The following HOXC4 variants were observed in gnomAD, a reference collection of about 807,000 sequenced individuals.
HOXC4 encodes homeobox C4.
A neutral mutation model predicts 25.5 loss-of-function variants in HOXC4; 15 were observed. The observed-to-expected ratio is 0.59, with a 90% CI of 0.39 to 0.91. The LOEUF is 0.91. HOXC4 is among the 40% of genes least tolerant of loss of function. The pLI is 0.00. For synonymous variants in HOXC4, 165 were observed against 148.0 expected (o/e 1.11, Z -0.83); for missense variants, 342 against 352.4 (o/e 0.97, Z 0.24).
rs372733424 is a variant in HOXC4, at chr12:54,054,875, A to T, written c.465A>T (p.Glu155Asp). 3 of 1,609,190 alleles carry T rather than the reference A, an allele frequency of 1.9e-6. No individual in the cohort carries two copies. Among genetic ancestry groups the T allele is most frequent in the African/African-American group, 2.7e-5 (2 of 74,696 alleles). ...TGAACCCCAATTATAACGGAGGGGA[A>T]CCCAAGCGCTCGAGGACAGCCTATA... Reference protein sequence around the residue: ...STVNPNYNGGEPKRSRTAYTR... With the variant: ...STVNPNYNGGDPKRSRTAYTR... Residue 155 changes from glutamate (E) to aspartate (D), a missense_variant, in exon 2 of 2, where the codon GAA becomes GAT. Transcript: ENST00000430889.
chr12:54,033,950 C>G (rs945551572), intron 1 of HOXC4: 1 of 484,908 alleles, frequency 2.1e-6, no homozygotes, highest in Non-Finnish European at 4.0e-6. Context: ...ATTCCAGCGA[C>G]TCGGGAGGGG....
At chr12:54,042,516 T>C (rs1263693560) in intron 1 of HOXC4, among the ~76,000 whole-genome samples, 3 of 152,158 alleles carry the variant, frequency 2.0e-5, no homozygotes, top group Non-Finnish European at 4.4e-5. Context: ...CTCAAAAAGG[T>C]AAACTTTCTC....
At chr12:54,039,699 A>C (rs12426667) in intron 1 of HOXC4, among the ~76,000 whole-genome samples, 47,299 of 151,694 alleles carry the variant, frequency 0.31, 7,486 homozygotes, top group East Asian at 0.44. Flanking sequence ...CAGCGGAGAC[A>C]TGGGAGTTTC....
intron 1 of HOXC4, among the ~76,000 whole-genome samples, chr12:54,038,237 C>A (rs185698456): frequency 2.9e-4 from 44 of 152,318 alleles, no homozygotes; most frequent in Admixed American, 2.9e-3. Flanking sequence ...ACTCCTTATT[C>A]TCTCTGACTG....
intron 1 of HOXC4, chr12:54,021,293 G>A (rs1169804550): frequency 6.6e-6 from 1 of 152,220 alleles, no homozygotes; most frequent in East Asian, 1.9e-4. Context: ...TCTGGTTACT[G>A]GATGAACTGC....
At chr12:54,043,205 G>A (rs1406733942) in intron 1 of HOXC4, among the ~76,000 whole-genome samples, 1 of 152,178 alleles carries the variant, frequency 6.6e-6, no homozygotes, top group Non-Finnish European at 1.5e-5. Context: ...AGGCATGCTG[G>A]GGAGCAAGTG....
At chr12:54,027,223 G>T (rs559600000) in intron 1 of HOXC4, among the ~76,000 whole-genome samples, 2 of 152,216 alleles carry the variant, frequency 1.3e-5, no homozygotes, top group Non-Finnish European at 2.9e-5. Flanking sequence ...TGGGCGTTGA[G>T]GTTGCTGAGA....
At chr12:54,027,561 C>T (rs985856791) in intron 1 of HOXC4, among the ~76,000 whole-genome samples, 5 of 152,202 alleles carry the variant, frequency 3.3e-5, no homozygotes, top group Non-Finnish European at 7.3e-5. Context: ...CGTTCTTCCT[C>T]TCTCTCTCTT....
At position 54,055,066 on chromosome 12, in the gene HOXC4, A is replaced by G. The variant is rs1937942556; in HGVS notation, c.656A>G (p.Asn219Ser). ...TGGAAGAAGGACCACCGACTCCCCA[A>G]CACCAAAGTCAGGTCAGCACCCCCG... is the stretch of plus-strand genomic sequence containing the variant. ...MKWKKDHRLP[N>S]TKVRSAPPAG... is the part of the protein sequence containing the mutation. Residue 219 changes from asparagine to serine, a missense_variant, in exon 2 of 2, where the codon AAC becomes AGC. Transcript: ENST00000430889. 3 of 1,613,790 alleles carry G rather than the reference A, an allele frequency of 1.9e-6. No individual in the cohort carries two copies. Among genetic ancestry groups the G allele is most frequent in the Non-Finnish European group, 1.7e-6 (2 of 1,179,960 alleles).
intron 1 of HOXC4, chr12:54,021,895 C>G (rs879698395): frequency 3.3e-5 from 5 of 152,300 alleles, no homozygotes; most frequent in East Asian, 3.8e-4. Flanking sequence ...TGTGCTATCC[C>G]CGGACTCCCT....
chr12:54,054,292 C>T lies in HOXC4; in HGVS notation c.370C>T (p.His124Tyr). Residue 124 changes from histidine (H) to tyrosine (Y), a missense_variant, in exon 1 of 2, where the codon CAT (histidine) becomes TAT (tyrosine). Physicochemically the swap from His to Tyr is moderately conservative, Grantham distance 83. Transcript: ENST00000430889. Reference sequence around the variant, plus strand: ...AGCCTGCAGCCAGCCAGCCCCCGACCATCCCTCCAGCGCCGCCAGCAAGCA... The same window carrying T: ...AGCCTGCAGCCAGCCAGCCCCCGACTATCCCTCCAGCGCCGCCAGCAAGCA... Reference protein sequence around the residue: ...PPACSQPAPDHPSSAASKQPI... With the variant: ...PPACSQPAPDYPSSAASKQPI... 6.2e-7 allele frequency: 1 copy of T among 1,608,280 alleles called. No individual in the cohort carries two copies. The highest frequency in any genetic ancestry group is 8.5e-7 in the Non-Finnish European group (1 of 1,177,020).
intron 1 of HOXC4, among the ~76,000 whole-genome samples, chr12:54,035,614 C>T (rs1393154987): frequency 6.6e-6 from 1 of 152,184 alleles, no homozygotes; most frequent in Non-Finnish European, 1.5e-5. Flanking sequence ...TGTCCAAGGC[C>T]TTCACGCCTC....
chr12:54,027,525 G>A (rs1940773309), intron 1 of HOXC4, among the ~76,000 whole-genome samples: 1 of 152,236 alleles, frequency 6.6e-6, no homozygotes, highest in African/African-American at 2.4e-5. Context: ...AGGAGTTGAT[G>A]TCTCTAGAAA....
At chr12:54,033,919 C>T (rs528974331) in intron 1 of HOXC4, 39 of 398,138 alleles carry the variant, frequency 9.8e-5, no homozygotes, top group Middle Eastern at 1.3e-3. Flanking sequence ...CCGGCTCCGC[C>T]GGCGCTTGCG....
chr12:54,021,328 G>C (rs1228828875), intron 1 of HOXC4: 1 of 152,370 alleles, frequency 6.6e-6, no homozygotes, highest in South Asian at 2.1e-4. Context: ...CGCTATCTGA[G>C]CCAGGACAAG....
chr12:54,020,002 GGACTCCAACA>G (rs1318821761), intron 1 of HOXC4: 1 of 152,092 alleles, frequency 6.6e-6, no homozygotes, highest in African/African-American at 2.4e-5. Flanking sequence ...GGACCCCAGT[GGACTCCAACA>G]CCAACTCTCT....
chr12:54,050,295 C>A (rs749058511), upstream of HOXC4, among the ~76,000 whole-genome samples: 3 of 152,292 alleles, frequency 2.0e-5, no homozygotes, highest in South Asian at 2.1e-4. Flanking sequence ...TGTACTGAAA[C>A]GTGTTTCCGA....
intron 1 of HOXC4, among the ~76,000 whole-genome samples, chr12:54,026,348 T>G (rs1037284062): frequency 5.3e-5 from 8 of 152,192 alleles, no homozygotes; most frequent in Non-Finnish European, 1.2e-4. Context: ...AAACCTCTGC[T>G]CAGGCATGCC....
intron 1 of HOXC4, chr12:54,033,992 A>C (rs1241480701): frequency 5.0e-6 from 3 of 599,528 alleles, no homozygotes; most frequent in Non-Finnish European, 9.6e-6. Flanking sequence ...TCGGATCTCG[A>C]GGGTGCTTAT....
Sources: gnomAD v4.1 joint callset for allele counts (sites outside exome capture counted in the v4.1 genomes callset) on GRCh38, gnomAD v4.1.1 for gene constraint, MANE v1.5 for transcripts, NCBI Gene and HGNC (gene_info 2026-07-23, HGNC 2026-07-21) for gene names.